SLC38A6: variants seen among roughly 807,000 people sequenced by gnomAD.
SLC38A6 encodes the protein N system amino acid transporter NAT-1.
In SLC38A6, 73 loss-of-function variants were observed where a neutral mutation model predicts 65.0. The ratio of observed to expected loss-of-function variants is 1.12; its 90% CI spans 0.93 to 1.37. The LOEUF is 1.37. SLC38A6 is among the 40% of genes most tolerant of loss of function. The pLI is 0.00. For missense variants in SLC38A6, 561 were observed against 531.1 expected (o/e 1.06, Z -0.55); for synonymous variants, 183 against 178.8 (o/e 1.02, Z -0.19).
intron 12 of SLC38A6, among the ~76,000 whole-genome samples, chr14:61,047,337 G>T (rs2042213118): frequency 6.6e-6 from 1 of 152,252 alleles, no homozygotes; most frequent in Admixed American, 6.5e-5. Context: ...TGTGGAGGAA[G>T]GATGGAAGCT....
At chr14:61,027,694 A>G (rs536725351) in intron 5 of SLC38A6, among the ~76,000 whole-genome samples, 1 of 152,038 alleles carries the variant, frequency 6.6e-6, no homozygotes, top group Non-Finnish European at 1.5e-5. Context: ...TGTATTTGGT[A>G]ATCTTTTTGT....
rs1277973039 is a variant in SLC38A6 at position 61,052,026 on chromosome 14, C to G, written c.1196-15C>G. On this transcript the variant is annotated splice_polypyrimidine_tract_variant and intron_variant, in intron 14 of 15. Transcript: ENST00000267488. ...TCCAGCAATATCCTCTCTTTTTTTT[C>G]CCTCCACTTTAAAGGTGCCAGTACA... The G allele has an allele frequency of 6.3e-7, 1 of 1,595,940 alleles. No homozygotes were observed. Among genetic ancestry groups the G allele is most frequent in the East Asian group, 2.2e-5 (1 of 44,536 alleles).
chr14:60,995,573 A>G (rs1265373725), intron 3 of SLC38A6, among the ~76,000 whole-genome samples: 1 of 152,166 alleles, frequency 6.6e-6, no homozygotes, highest in Non-Finnish European at 1.5e-5. Flanking sequence ...AAATTTGCCA[A>G]GAGAGTAGAT....
At chr14:61,063,642 C>T (rs1158918904) in intron 15 of SLC38A6, among the ~76,000 whole-genome samples, 1 of 152,142 alleles carries the variant, frequency 6.6e-6, no homozygotes, top group Non-Finnish European at 1.5e-5. Context: ...GCAGGTGCAC[C>T]TTTGCTTCTC....
intron 3 of SLC38A6, among the ~76,000 whole-genome samples, chr14:61,012,719 T>C (rs1055245989): frequency 2.6e-5 from 4 of 152,216 alleles, no homozygotes; most frequent in African/African-American, 9.6e-5. Context: ...AATCCTGAGT[T>C]CTAGTTTGAT....
intron 5 of SLC38A6, among the ~76,000 whole-genome samples, chr14:61,028,261 C>T (rs2040721714): frequency 6.6e-6 from 1 of 152,076 alleles, no homozygotes; most frequent in South Asian, 2.1e-4. Flanking sequence ...TTTAGAAATG[C>T]ATGTGGTGTT....
chr14:61,083,475 A>G, intron 16 of SLC38A6: 3 of 1,490,680 alleles, frequency 2.0e-6, no homozygotes, highest in Non-Finnish European at 2.7e-6. Flanking sequence ...ATTTGGAGAT[A>G]GGGTCTTTAA....
In SLC38A6 at chr14:61,075,926, G is replaced by A. The variant is rs780059228; in HGVS notation, c.1291-2884G>A. ...ACTGGAGTGCAATGCTGTGATCTCGGCTCACTGTAACCTCCACCTCCCAGG... is the reference window on the plus strand; with the variant it reads ...ACTGGAGTGCAATGCTGTGATCTCGACTCACTGTAACCTCCACCTCCCAGG... On this transcript the variant is annotated intron_variant, in intron 15 of 16. Transcript: ENST00000354886. Among the ~76,000 whole-genome samples, 136 of 151,768 alleles carry A rather than the reference G, an allele frequency of 9.0e-4. 2 individuals carry two copies. Among genetic ancestry groups the A allele is most frequent in the Non-Finnish European group, 3.1e-4 (21 of 67,982 alleles).
chr14:61,069,729 C>T (rs932807896), intron 15 of SLC38A6, among the ~76,000 whole-genome samples: 1 of 152,124 alleles, frequency 6.6e-6, no homozygotes, highest in Non-Finnish European at 1.5e-5. Flanking sequence ...GTATTTTTTT[C>T]ATAAACTACT....
In SLC38A6 at chr14:61,052,413, A is replaced by G. The variant is rs2042561353; in HGVS notation, c.1355A>G (p.Asp452Gly). The G allele has an allele frequency of 6.4e-7, 1 of 1,566,860 alleles. No homozygotes were observed. Among genetic ancestry groups the G allele is most frequent in the East Asian group, 2.4e-5 (1 of 42,110 alleles). The change falls in exon 16 of 16, where the codon GAT (aspartate) becomes GGT (glycine). Residue 452 changes from aspartate to glycine, a missense_variant. Physicochemically the swap from Asp to Gly is moderately conservative, Grantham distance 94. Transcript: ENST00000267488. The stretch of plus-strand genomic sequence containing the variant: ...TTTAGTTTAGCACTCATCATTTTTG[A>G]TTGGATTAATAAATAAAAGAAATAT... ...GNFSLALIIFDWINK is the reference protein window; with the variant it reads ...GNFSLALIIFGWINK
chr14:61,000,386 T>A (rs759734081), intron 3 of SLC38A6, among the ~76,000 whole-genome samples: 8 of 152,234 alleles, frequency 5.3e-5, no homozygotes, highest in Non-Finnish European at 1.2e-4. Flanking sequence ...TCCCAGCACT[T>A]TGGGAGGACA....
chr14:61,042,459 C>T (rs1173494901), intron 8 of SLC38A6, among the ~76,000 whole-genome samples: 1 of 152,182 alleles, frequency 6.6e-6, no homozygotes, highest in Non-Finnish European at 1.5e-5. Context: ...AGCTATAGGT[C>T]TGATAACAGG....
intron 3 of SLC38A6, among the ~76,000 whole-genome samples, chr14:61,010,049 T>G (rs575154853): frequency 3.3e-5 from 5 of 152,180 alleles, no homozygotes; most frequent in African/African-American, 7.2e-5. Flanking sequence ...ACCTGTTGTT[T>G]CCTAACTTTT....
chr14:61,039,440 A>C (rs1316071590), intron 8 of SLC38A6, among the ~76,000 whole-genome samples: 1 of 151,872 alleles, frequency 6.6e-6, no homozygotes, highest in Non-Finnish European at 1.5e-5. Flanking sequence ...GCACGATCTC[A>C]GTTCACTGTG....
rs143651503 is a variant in SLC38A6 at position 61,083,476 on chromosome 14, G to C, written c.1409-79G>C. 56 of 1,492,160 alleles carry C rather than the reference G, an allele frequency of 3.8e-5. No homozygotes were observed. In the African/African-American group the frequency reaches 6.8e-4, roughly 18 times the overall value. The allele number at this position is 1,492,160 out of a possible 1,614,324, so 92.4% of individuals were successfully genotyped here. A position where few individuals can be genotyped will look rare whatever the true frequency, so the allele number is the denominator to read the frequency against. On this transcript the variant is annotated intron_variant, in intron 16 of 16. Transcript: ENST00000354886. Reference sequence around the variant, plus strand: ...CAGAATGCAACTGTATTTGGAGATAGGGTCTTTAAAGAAGTAATTAAATTA... The same window carrying C: ...CAGAATGCAACTGTATTTGGAGATACGGTCTTTAAAGAAGTAATTAAATTA...
At chr14:61,019,601 T>A in intron 5 of SLC38A6, 21 bp downstream of exon 5, 2 of 1,609,858 alleles carry the variant, frequency 1.2e-6, no homozygotes, top group Admixed American at 3.3e-5. Context: ...GCAAGTGCAC[T>A]GTTTATACAT....
At chr14:61,035,145 T>A (rs1407327510) in intron 6 of SLC38A6, among the ~76,000 whole-genome samples, 1 of 152,176 alleles carries the variant, frequency 6.6e-6, no homozygotes, top group Non-Finnish European at 1.5e-5. Flanking sequence ...AAGCTCCCAT[T>A]TTTGCATAAG....
chr14:61,014,941 G>T (rs1467081923), intron 3 of SLC38A6, among the ~76,000 whole-genome samples: 1 of 152,222 alleles, frequency 6.6e-6, no homozygotes, highest in Non-Finnish European at 1.5e-5. Flanking sequence ...GTCTGGACAG[G>T]TTTCTCTGCC....
intron 15 of SLC38A6, among the ~76,000 whole-genome samples, chr14:61,074,289 G>A (rs921953927): frequency 6.6e-6 from 1 of 152,322 alleles, no homozygotes; most frequent in Non-Finnish European, 1.5e-5. Flanking sequence ...TTTTGTAAAA[G>A]TCACCATCTA....
Sources: gnomAD v4.1 joint callset for allele counts (sites outside exome capture counted in the v4.1 genomes callset) on GRCh38, gnomAD v4.1.1 for gene constraint, MANE v1.5 for transcripts, NCBI Gene and HGNC (gene_info 2026-07-23, HGNC 2026-07-21) for gene names.